FAM171A2: variants seen among roughly 807,000 people sequenced by gnomAD.
FAM171A2 encodes protein FAM171A2.
A neutral mutation model predicts 34.2 loss-of-function variants in FAM171A2; 13 were observed. The ratio of observed to expected loss-of-function variants is 0.38; its 90% CI spans 0.25 to 0.60. FAM171A2 has a LOEUF of 0.60. Among genes scored for constraint, FAM171A2 ranks in the 20% least tolerant of loss-of-function variants. The probability of loss-of-function intolerance (pLI) is 0.62; values close to 1 mark genes in which losing one functional copy is unlikely to be tolerated. For synonymous variants in FAM171A2, 475 were observed against 561.2 expected, an observed-to-expected ratio of 0.85 and a Z score of 2.17; for missense variants, 950 against 1,180.7, an observed-to-expected ratio of 0.80 and a Z score of 2.86.
chr17:44,354,974 C>T lies in FAM171A2; in HGVS notation c.1240G>A (p.Asp414Asn). 1 of 1,474,730 alleles carries T rather than the reference C, an allele frequency of 6.8e-7. No individual in the cohort carries two copies. The highest frequency in any genetic ancestry group is 9.0e-7 in the Non-Finnish European group (1 of 1,115,348). The allele number at this position is 1,474,730 out of a possible 1,614,324, so 91.4% of individuals were successfully genotyped here. The stretch of plus-strand genomic sequence containing the variant: ...GAGCGCGGCTTGGTGCGGAAGAAGT[C>T]ATCCCGGGAGGAGGCCAAGTCCCGG... ...SSRDLASSRD[D>N]FFRTKPRSAS... Residue 414 changes from aspartate to asparagine, a missense_variant, in exon 8 of 8, where the codon GAC (aspartate) becomes AAC (asparagine). Asp to Asn is a conservative substitution (Grantham distance 23). Transcript: ENST00000293443. This position sits in a 1 kb window ranked among gnomAD's most constrained non-coding sequence, Gnocchi z 5.8.
At chr17:44,357,796 C>A (rs558201776) in intron 3 of FAM171A2, among the ~76,000 whole-genome samples, 50 of 134,020 alleles carry the variant, frequency 3.7e-4, no homozygotes, top group Non-Finnish European at 6.3e-4. Flanking sequence ...AATTCCAATA[C>A]AATATGGTCA....
intron 1 of FAM171A2, among the ~76,000 whole-genome samples, chr17:44,362,094 G>A (rs917772178): frequency 3.9e-5 from 6 of 151,992 alleles, no homozygotes; most frequent in East Asian, 1.9e-4. Flanking sequence ...CCAACCTTGC[G>A]GGTGGGGGAG....
rs1828107149 is a variant in FAM171A2 at position 44,354,056 on chromosome 17, C to G, written c.2158G>C (p.Ala720Pro). Residue 720 changes from alanine to proline, a missense_variant, in exon 8 of 8, where the codon GCG becomes CCG. This residue lies in a region of FAM171A2 where 191 missense variants were observed against 222.8 expected (regional missense o/e 0.86). Coordinates refer to ENST00000293443, the MANE Select transcript of FAM171A2 (RefSeq NM_198475.3). This position sits in a 1 kb window ranked among gnomAD's most constrained non-coding sequence, Gnocchi z 5.8. ...APPAAPPPPP[A>P]PPRLALSEDT... Reference sequence around the variant, plus strand: ...TCGCTGAGCGCCAGGCGCGGGGGCGCGGGCGGCGGCGGCGGCGCGGCAGGC... The same window carrying G: ...TCGCTGAGCGCCAGGCGCGGGGGCGGGGGCGGCGGCGGCGGCGCGGCAGGC... 8.9e-7 allele frequency: 1 copy of G among 1,124,922 alleles called. No individual in the cohort carries two copies. The highest frequency in any genetic ancestry group is 3.7e-4 in the Middle Eastern group (1 of 2,668). The allele number at this position is 1,124,922 out of a possible 1,614,324, so 69.7% of individuals were successfully genotyped here.
At chr17:44,363,505 A>G (rs1431026078) in intron 1 of FAM171A2, 92 bp downstream of exon 1, 2 of 529,322 alleles carry the variant, frequency 3.8e-6, no homozygotes, top group African/African-American at 2.0e-5. Flanking sequence ...ATACCACTCA[A>G]TTCACGAACG....
chr17:44,355,911 G>T lies in FAM171A2; in HGVS notation c.895+47C>A. 1 of 1,546,380 alleles carries T rather than the reference G, an allele frequency of 6.5e-7. No homozygotes were observed. The highest frequency in any genetic ancestry group is 8.7e-7 in the Non-Finnish European group (1 of 1,143,506). On this transcript the variant is annotated intron_variant, in intron 6 of 7. Transcript: ENST00000293443. The surrounding 1 kb of genome is among the most constrained non-coding windows in gnomAD (Gnocchi z 4.1). ...TGCCTTTCAGAAGTCTGCTCTCCCA[G>T]CTCCCCTCCTCCGCGGCCTCTACGC... is the stretch of plus-strand genomic sequence containing the variant.
intron 3 of FAM171A2, chr17:44,359,355 C>A: frequency 3.5e-6 from 2 of 565,786 alleles, no homozygotes; most frequent in East Asian, 3.0e-5. Context: ...TAACTGTAAA[C>A]ATTTATTGAA....
chr17:44,355,052 C>T lies in FAM171A2; in HGVS notation c.1162G>A (p.Gly388Arg). ...CCTGGAGGCGGAGCCTCGGGGTCCC[C>T]CGACGGGGCGGGTTCCAGGGGTCCC... is the stretch of plus-strand genomic sequence containing the variant. Reference protein sequence around the residue: ...CGGPLEPAPSGDPEAPPPGPL... With the variant: ...CGGPLEPAPSRDPEAPPPGPL... The change falls in exon 8 of 8, where the codon GGG becomes AGG. Residue 388 changes from glycine (G) to arginine (R), a missense_variant. Physicochemically the swap from Gly to Arg is moderately radical, Grantham distance 125. Transcript: ENST00000293443. The surrounding 1 kb of genome is among the most constrained non-coding windows in gnomAD (Gnocchi z 4.1). The T allele has an allele frequency of 6.5e-7, 1 of 1,544,266 alleles. No homozygotes were observed. Among genetic ancestry groups the T allele is most frequent in the Non-Finnish European group, 8.7e-7 (1 of 1,144,248 alleles).
chr17:44,363,558 G>T, intron 1 of FAM171A2, 39 bp downstream of exon 1: 1 of 1,030,378 alleles, frequency 9.7e-7, no homozygotes, highest in Non-Finnish European at 1.2e-6. Flanking sequence ...ATCAGGGGGC[G>T]CAGGCCCGCG....
intron 3 of FAM171A2, among the ~76,000 whole-genome samples, chr17:44,358,415 G>C (rs557676902): frequency 6.6e-6 from 1 of 152,154 alleles, no homozygotes; most frequent in Non-Finnish European, 1.5e-5. Context: ...TGGTGAGGCC[G>C]GGTGAAGTGA....
rs1294620153 is a variant in FAM171A2, at chr17:44,353,702, G to T, written c.*31C>A. 7.8e-7 allele frequency: 1 copy of T among 1,285,262 alleles called. No homozygotes were observed. The highest frequency in any genetic ancestry group is 9.8e-7 in the Non-Finnish European group (1 of 1,018,484). The allele number at this position is 1,285,262 out of a possible 1,614,324, so 79.6% of individuals were successfully genotyped here. On this transcript the variant is annotated 3_prime_UTR_variant, in exon 8 of 8. Transcript: ENST00000293443. ...GCGCACCCTGGGTGCGGGCCCGCGC[G>T]GGAGGGGCGGTGCCAGGCCCTGCGC...
At chr17:44,358,043 T>G (rs1393858603) in intron 3 of FAM171A2, among the ~76,000 whole-genome samples, 1 of 152,148 alleles carries the variant, frequency 6.6e-6, no homozygotes, top group Non-Finnish European at 1.5e-5. Flanking sequence ...ATGCCATTCC[T>G]CCTGCCTTGC....
chr17:44,360,664 G>A (rs1278279159), intron 1 of FAM171A2, among the ~76,000 whole-genome samples: 5 of 152,110 alleles, frequency 3.3e-5, no homozygotes, highest in South Asian at 4.2e-4. Context: ...CAGGAGGGCT[G>A]AGAAAGGCTA....
rs1362074171 is a variant in FAM171A2, at chr17:44,355,939, A to G, written c.895+19T>C. 3 of 1,540,208 alleles carry G rather than the reference A, an allele frequency of 1.9e-6. No individual in the cohort carries two copies. Among genetic ancestry groups the G allele is most frequent in the East Asian group, 4.9e-5 (2 of 40,798 alleles). On this transcript the variant is annotated intron_variant, in intron 6 of 7. Coordinates refer to ENST00000293443, the MANE Select transcript of FAM171A2 (RefSeq NM_198475.3). This position sits in a 1 kb window ranked among gnomAD's most constrained non-coding sequence, Gnocchi z 4.1. ...CCCCTCCTCCGCGGCCTCTACGCCC[A>G]CTGCCCCACTACTCTTACCAGCCGT...
At chr17:44,356,826 T>A (rs1017470044) in intron 3 of FAM171A2, among the ~76,000 whole-genome samples, 1 of 152,216 alleles carries the variant, frequency 6.6e-6, no homozygotes, top group African/African-American at 2.4e-5. Context: ...GAAAGTTTCC[T>A]TATAGAACCT....
chr17:44,361,056 A>G (rs893002265), intron 1 of FAM171A2, among the ~76,000 whole-genome samples: 1 of 152,196 alleles, frequency 6.6e-6, no homozygotes, highest in Non-Finnish European at 1.5e-5. Context: ...CCCAGGCCCA[A>G]GAGAACTATT....
At position 44,354,357 on chromosome 17, in the gene FAM171A2, A is replaced by T; in HGVS notation, c.1857T>A (p.Pro619=). Residue 619 remains proline, a synonymous_variant, in exon 8 of 8, where the codon CCT becomes CCA. Transcript: ENST00000293443. This position sits in a 1 kb window ranked among gnomAD's most constrained non-coding sequence, Gnocchi z 5.8. ...CCATGGTGGACTCGTTGAATAGCAC[A>T]GGGATGGTGACTGAGCCACTGACGG... ...AAPVSGSVTI[P]VLFNESTMAQ... 7.2e-7 allele frequency: 1 copy of T among 1,384,676 alleles called. No individual in the cohort carries two copies. The highest frequency in any genetic ancestry group is 9.5e-7 in the Non-Finnish European group (1 of 1,052,556). The allele number at this position is 1,384,676 out of a possible 1,614,324, so 85.8% of individuals were successfully genotyped here. A position where few individuals can be genotyped will look rare whatever the true frequency, so the allele number is the denominator to read the frequency against.
rs1194887262 is a variant in FAM171A2, at chr17:44,353,944, G to A, written c.2270C>T (p.Ala757Val). 5 of 1,295,630 alleles carry A rather than the reference G, an allele frequency of 3.9e-6. No homozygotes were observed. Among genetic ancestry groups the A allele is most frequent in the South Asian group, 2.2e-5 (1 of 44,804 alleles). The allele number at this position is 1,295,630 out of a possible 1,614,324, so 80.3% of individuals were successfully genotyped here. Residue 757 changes from alanine to valine, a missense_variant, in exon 8 of 8, where the codon GCG (alanine) becomes GTG (valine). Around this residue, in one of 3 missense-constraint regions of FAM171A2, gnomAD observed 191 missense variants for 222.8 expected, o/e 0.86. Coordinates refer to ENST00000293443, the MANE Select transcript of FAM171A2 (RefSeq NM_198475.3). ...CGTGGCCGCCCGGCCCTCGGGCGCC[G>A]CCACCTCGTCCAGCAGCGGCGTCAG... Reference protein sequence around the residue: ...NSLTPLLDEVAAPEGRAATVP... With the variant: ...NSLTPLLDEVVAPEGRAATVP...
intron 1 of FAM171A2, among the ~76,000 whole-genome samples, chr17:44,362,119 G>T (rs551052242): frequency 5.0e-4 from 76 of 152,174 alleles, no homozygotes; most frequent in African/African-American, 1.8e-3. Flanking sequence ...GAGGGGGCAG[G>T]TGCCTAGCAG....
At position 44,363,731 on chromosome 17, in the gene FAM171A2, G is replaced by A; in HGVS notation, c.-17C>T. 2 of 1,172,854 alleles carry A rather than the reference G, an allele frequency of 1.7e-6. No homozygotes were observed. Among genetic ancestry groups the A allele is most frequent in the Non-Finnish European group, 2.1e-6 (2 of 941,714 alleles). 72.7% of individuals were successfully genotyped at this position (1,172,854 alleles called of 1,614,324 possible). Reference sequence around the variant, plus strand: ...CGGCGGCATCGCGGGGCTAGGCCGGGCCCTAGCGGTCCATGGCTCCCGCCT... The same window carrying A: ...CGGCGGCATCGCGGGGCTAGGCCGGACCCTAGCGGTCCATGGCTCCCGCCT... On this transcript the variant is annotated 5_prime_UTR_variant, in exon 1 of 8. Coordinates refer to ENST00000293443, the MANE Select transcript of FAM171A2 (RefSeq NM_198475.3).
Sources: gnomAD v4.1 joint callset for allele counts (sites outside exome capture counted in the v4.1 genomes callset) on GRCh38, gnomAD v4.1.1 for gene constraint, gnomAD v4.1.1 regional missense constraint, Gnocchi (gnomAD v3.1) non-coding constraint, MANE v1.5 for transcripts, NCBI Gene and HGNC (gene_info 2026-07-23, HGNC 2026-07-21) for gene names.